The following NPVF variants were observed in gnomAD, a reference collection of about 807,000 sequenced individuals.
NPVF encodes the protein neuropeptide VF precursor, also known as pro-FMRFamide-related neuropeptide VF.
Under a neutral mutation model 15.7 loss-of-function variants are expected in NPVF, and 17 were observed. That is an observed-to-expected ratio of 1.08 (90% CI 0.74 to 1.62). NPVF has a LOEUF of 1.62. Among genes scored for constraint, NPVF ranks in the 40% most tolerant of loss-of-function variants. The pLI is 0.00. For missense variants in NPVF, 270 were observed against 225.2 expected (o/e 1.20, Z -1.27); for synonymous variants, 70 against 80.1 (o/e 0.87, Z 0.67).
In NPVF at chr7:25,226,803, A is replaced by G. The variant is rs1484934852; in HGVS notation, c.362T>C (p.Val121Ala). The change falls in exon 2 of 3, where the codon GTG becomes GCG. Residue 121 changes from valine to alanine, a missense_variant. Physicochemically the swap from Val to Ala is moderately conservative, Grantham distance 64. Coordinates refer to ENST00000222674, the MANE Select transcript of NPVF (RefSeq NM_022150.3). The stretch of plus-strand genomic sequence containing the variant: ...TTGGGGCAGGTTAGGAACACGTCTC[A>G]CGAGGCTCACCTCCATATTTCTTCC... Reference protein sequence around the residue: ...RSGRNMEVSLVRRVPNLPQRF... With the variant: ...RSGRNMEVSLARRVPNLPQRF... 1 of 1,614,010 alleles carries G rather than the reference A, an allele frequency of 6.2e-7. No homozygotes were observed.
At chr7:25,227,207 T>C (rs1402920285) in intron 1 of NPVF, among the ~76,000 whole-genome samples, 181 bp from the exon 2 acceptor site, 1 of 152,166 alleles carries the variant, frequency 6.6e-6, no homozygotes, top group African/African-American at 2.4e-5. Context: ...CAATATAGTT[T>C]CTCTGTCCCT....
chr7:25,227,711 G>C (rs1259325455), intron 1 of NPVF, among the ~76,000 whole-genome samples: 1 of 152,144 alleles, frequency 6.6e-6, no homozygotes, highest in Non-Finnish European at 1.5e-5. Flanking sequence ...TATTTAATTA[G>C]ATTTAGTCTT....
At chr7:25,225,479 T>G (rs1783113497) in intron 2 of NPVF, among the ~76,000 whole-genome samples, 1 of 152,254 alleles carries the variant, frequency 6.6e-6, no homozygotes, top group African/African-American at 2.4e-5. Flanking sequence ...CCTCTCCTGA[T>G]GAATGACGCC....
chr7:25,227,342 T>C (rs1409341241), intron 1 of NPVF, among the ~76,000 whole-genome samples: 2 of 152,154 alleles, frequency 1.3e-5, no homozygotes, highest in African/African-American at 4.8e-5. Context: ...CTGCAGTTAT[T>C]CTCTTTTGGT....
rs372439132 is a variant in NPVF, at chr7:25,226,667, G to T, written c.498C>A (p.Cys166Ter). Residue 166 changes from cysteine to a stop codon, truncating the protein, a stop_gained, in exon 2 of 3, where the codon TGC (cysteine) becomes TGA (stop). Transcript: ENST00000222674. LOFTEE classifies it high-confidence loss of function. ...CGGGATTCTGGATTTCTTGGTGCTG[G>T]CAGGTCATGGAGTAAAATAAGTCAT... is the stretch of plus-strand genomic sequence containing the variant. ...CANDLFYSMTCQHQEIQNPDQ... is the reference protein window; with the variant it reads ...CANDLFYSMT 5.0e-6 allele frequency: 8 copies of T among 1,613,960 alleles called. No homozygotes were observed. In the African/African-American group the frequency reaches 1.1e-4, roughly 22 times the overall value.
chr7:25,226,963 T>C lies in NPVF; in HGVS notation c.202A>G (p.Lys68Glu), dbSNP rs988621458. The change falls in exon 2 of 3, where the codon AAA becomes GAA. Residue 68 changes from lysine (K) to glutamate (E), a missense_variant. Lys to Glu is a moderately conservative substitution (Grantham distance 56). Transcript: ENST00000222674. ...NFEELKDWGP[K>E]NVIKMSTPAV... ...GGTGTACTCATCTTAATAACATTTT[T>C]TGGTCCCCAATCTTTTAATTCCTCA... 1 of 1,614,100 alleles carries C rather than the reference T, an allele frequency of 6.2e-7. No homozygotes were observed.
At position 25,226,753 on chromosome 7, in the gene NPVF, TG is replaced by T; in HGVS notation, c.411del (p.Ser139ValfsTer6). The T allele has an allele frequency of 6.2e-7, 1 of 1,614,200 alleles. No individual in the cohort carries two copies. Among genetic ancestry groups the T allele is most frequent in the Non-Finnish European group, 8.5e-7 (1 of 1,180,020 alleles). On this transcript the variant is annotated frameshift_variant, in exon 2 of 3. Coordinates refer to ENST00000222674, the MANE Select transcript of NPVF (RefSeq NM_022150.3). LOFTEE classifies it high-confidence loss of function. ...LPQRFGRTTT[A>X]KSVCRMLSDL... ...TCACTCAGCATCCTGCAGACACTTT[TG>T]GCTGTTGTTGTTCTCCCAAACCTTT...
Position 25,226,904 on chromosome 7 carries a change from G to A in NPVF, c.261C>T (p.Asn87=). The part of the protein sequence containing the change: ...AVNKMPHSFA[N]LPLRFGRNVQ... ...CGTTCCTCCCAAATCTCAATGGCAA[G>A]TTGGCGAAGGAGTGTGGCATTTTAT... The change falls in exon 2 of 3, where the codon AAC becomes AAT. Residue 87 remains asparagine, a synonymous_variant. Transcript: ENST00000222674. 2 of 1,614,162 alleles carry A rather than the reference G, an allele frequency of 1.2e-6. No individual in the cohort carries two copies. The highest frequency in any genetic ancestry group is 1.7e-6 in the Non-Finnish European group (2 of 1,180,022).
intron 2 of NPVF, among the ~76,000 whole-genome samples, chr7:25,225,414 C>T (rs1371064887): frequency 6.6e-6 from 1 of 152,214 alleles, no homozygotes; most frequent in Non-Finnish European, 1.5e-5. Context: ...GATTAGCTGT[C>T]AATTCTGCCT....
In NPVF at chr7:25,226,896, A is replaced by G. The variant is rs749777775; in HGVS notation, c.269T>C (p.Leu90Ser). Residue 90 changes from leucine to serine, a missense_variant, in exon 2 of 3, where the codon TTG becomes TCG. Transcript: ENST00000222674. The stretch of plus-strand genomic sequence containing the variant: ...TTCTTGAACGTTCCTCCCAAATCTC[A>G]ATGGCAAGTTGGCGAAGGAGTGTGG... Reference protein sequence around the residue: ...KMPHSFANLPLRFGRNVQEER... With the variant: ...KMPHSFANLPSRFGRNVQEER... 1 of 1,614,046 alleles carries G rather than the reference A, an allele frequency of 6.2e-7. No homozygotes were observed. Among genetic ancestry groups the G allele is most frequent in the South Asian group, 1.1e-5 (1 of 91,072 alleles).
At chr7:25,226,157 A>G (rs1783125467) in intron 2 of NPVF, among the ~76,000 whole-genome samples, 1 of 152,220 alleles carries the variant, frequency 6.6e-6, no homozygotes, top group Admixed American at 6.5e-5. Flanking sequence ...AATATAAATA[A>G]TGATTATAAC....
Position 25,225,106 on chromosome 7 carries a change from A to T in NPVF, c.*16T>A. On this transcript the variant is annotated 3_prime_UTR_variant, in exon 3 of 3. Coordinates refer to ENST00000222674, the MANE Select transcript of NPVF (RefSeq NM_022150.3). ...TAGATTACAGGCCACAGCTTTAGGGACAGGCTCCAGGTTTCTTATTTTTCT... is the reference window on the plus strand; with the variant it reads ...TAGATTACAGGCCACAGCTTTAGGGTCAGGCTCCAGGTTTCTTATTTTTCT... 6.2e-7 allele frequency: 1 copy of T among 1,611,584 alleles called. No homozygotes were observed. The highest frequency in any genetic ancestry group is 1.1e-5 in the South Asian group (1 of 90,798).
chr7:25,228,443 G>A lies in NPVF; in HGVS notation c.-4C>T, dbSNP rs1244395382. 2 of 1,579,298 alleles carry A rather than the reference G, an allele frequency of 1.3e-6. No homozygotes were observed. The highest frequency in any genetic ancestry group is 1.7e-4 in the Middle Eastern group (1 of 5,892). On this transcript the variant is annotated 5_prime_UTR_variant, in exon 1 of 3. Transcript: ENST00000222674. ...GTTTTGATGAAATAATTTCCATTTT[G>A]TCTAAATCTAAAATTAAGTCTCTAT...
rs939423292 is a variant in NPVF, at chr7:25,224,909, T to C, written c.*213A>G. ...TAAAGCATTTGCAATGCTTTTTTTT[T>C]ATTCAGACAAAAATCATTTTAACTT... On this transcript the variant is annotated 3_prime_UTR_variant, in exon 3 of 3. Coordinates refer to ENST00000222674, the MANE Select transcript of NPVF (RefSeq NM_022150.3). 4 of 508,658 alleles carry C rather than the reference T, an allele frequency of 7.9e-6. No individual in the cohort carries two copies. Among genetic ancestry groups the C allele is most frequent in the African/African-American group, 4.0e-5 (2 of 50,226 alleles). 31.5% of individuals were successfully genotyped at this position (508,658 alleles called of 1,614,324 possible). A position where few individuals can be genotyped will look rare whatever the true frequency, so the allele number is the denominator to read the frequency against.
Position 25,228,404 on chromosome 7 carries a change from C to A in NPVF, c.36G>T (p.Leu12Phe). ...EIISSKLFIL[L>F]TLATSSLLTS... is the part of the protein sequence containing the mutation. ...TTAACAAGCTTGAAGTGGCTAAAGT[C>A]AATAAAATGAATAGTTTTGATGAAA... Residue 12 changes from leucine (L) to phenylalanine (F), a missense_variant, in exon 1 of 3, where the codon TTG becomes TTT. Transcript: ENST00000222674. 6.3e-7 allele frequency: 1 copy of A among 1,586,778 alleles called. No homozygotes were observed. Among genetic ancestry groups the A allele is most frequent in the South Asian group, 1.1e-5 (1 of 89,994 alleles).
At chr7:25,226,261 T>C (rs1000131366) in intron 2 of NPVF, among the ~76,000 whole-genome samples, 1 of 152,196 alleles carries the variant, frequency 6.6e-6, no homozygotes, top group South Asian at 2.1e-4. Context: ...ATTATTGAGA[T>C]GGGGTCCTTT....
In NPVF at chr7:25,225,100, T is replaced by G; in HGVS notation, c.*22A>C. 1 of 1,610,220 alleles carries G rather than the reference T, an allele frequency of 6.2e-7. No individual in the cohort carries two copies. The highest frequency in any genetic ancestry group is 8.5e-7 in the Non-Finnish European group (1 of 1,177,456). The stretch of plus-strand genomic sequence containing the variant: ...CATTTGTAGATTACAGGCCACAGCT[T>G]TAGGGACAGGCTCCAGGTTTCTTAT... On this transcript the variant is annotated 3_prime_UTR_variant, in exon 3 of 3. Transcript: ENST00000222674.
Position 25,226,954 on chromosome 7 carries a change from TAAC to T in NPVF, c.208_210del (p.Val70del), listed in dbSNP as rs761080736. The T allele has an allele frequency of 1.9e-5, 30 of 1,544,536 alleles. No individual in the cohort carries two copies. The East Asian group carries it at 5.8e-4, about 30-fold the overall frequency. Reference sequence around the variant, plus strand: ...TTGACTGCAGGTGTACTCATCTTAATAACATTTTTTGGTCCCCAATCTTTTAAT... The same window carrying T: ...TTGACTGCAGGTGTACTCATCTTAATATTTTTTGGTCCCCAATCTTTTAAT... On this transcript the variant is annotated inframe_deletion, in exon 2 of 3. Transcript: ENST00000222674.
At chr7:25,226,475 G>T in intron 2 of NPVF, 151 bp downstream of exon 2, 1 of 863,526 alleles carries the variant, frequency 1.2e-6, no homozygotes, top group Non-Finnish European at 1.8e-6. Flanking sequence ...CCAATTTACA[G>T]GTATTTAGTT....
Sources: gnomAD v4.1 joint callset for allele counts (sites outside exome capture counted in the v4.1 genomes callset) on GRCh38, gnomAD v4.1.1 for gene constraint, MANE v1.5 for transcripts, NCBI Gene and HGNC (gene_info 2026-07-23, HGNC 2026-07-21) for gene names.